The following PEX7 variants were observed in gnomAD, a reference collection of about 807,000 sequenced individuals.
PEX7 encodes the protein PTS2 receptor.
A neutral mutation model predicts 47.5 loss-of-function variants in PEX7; 34 were observed. The ratio of observed to expected loss-of-function variants is 0.72; its 90% CI spans 0.54 to 0.95. The LOEUF is 0.95. Among genes scored for constraint, PEX7 ranks in the 40% least tolerant of loss-of-function variants. The probability of loss-of-function intolerance (pLI) is 0.00; values close to 1 mark genes in which losing one functional copy is unlikely to be tolerated. For missense variants in PEX7, 394 were observed against 400.3 expected, an observed-to-expected ratio of 0.98 and a Z score of 0.13; for synonymous variants, 141 against 148.8, an observed-to-expected ratio of 0.95 and a Z score of 0.38.
chr6:136,880,411 T>A (rs1018226598), intron 8 of PEX7, among the ~76,000 whole-genome samples: 1 of 152,196 alleles, frequency 6.6e-6, no homozygotes, highest in African/African-American at 2.4e-5. Context: ...GGATGCACTT[T>A]CTCTTTCTCA....
chr6:136,893,503 T>A (rs9494592), intron 8 of PEX7, among the ~76,000 whole-genome samples: 2,434 of 152,334 alleles, frequency 0.016, 75 homozygotes, highest in African/African-American at 0.056. Context: ...TTTTGGTGAT[T>A]TTTAAAAACA....
chr6:136,823,342 A>T (rs2115124656), intron 1 of PEX7: 1 of 985,430 alleles, frequency 1.0e-6, no homozygotes, highest in East Asian at 1.1e-4. Flanking sequence ...TTCAGTTCTT[A>T]CCTGTAGTTG....
rs1036181674 is a variant in PEX7, at chr6:136,902,581, T to C, written c.903+4340T>C. 2.4e-4 allele frequency among the ~76,000 whole-genome samples: 36 copies of C among 151,108 alleles called. 1 individual carries two copies. The highest frequency in any genetic ancestry group is 2.2e-3 in the Admixed American group (34 of 15,172). ...CTGAAGGCATCGTTTTCTTTGAAAA[T>C]TTTTTTTTTCTGATCATGATTTGTA... On this transcript the variant is annotated intron_variant, in intron 9 of 9. Coordinates refer to ENST00000318471, the MANE Select transcript of PEX7 (RefSeq NM_000288.4).
chr6:136,890,423 G>A (rs1326818847), intron 8 of PEX7, among the ~76,000 whole-genome samples: 2 of 152,154 alleles, frequency 1.3e-5, no homozygotes, highest in Non-Finnish European at 2.9e-5. Context: ...AGCCGACTTT[G>A]TCATTCCTCC....
intron 9 of PEX7, among the ~76,000 whole-genome samples, chr6:136,912,219 G>C (rs1775944999): frequency 6.6e-6 from 1 of 151,868 alleles, no homozygotes; most frequent in East Asian, 1.9e-4. Context: ...GTCTTTTGAT[G>C]AGCAAAAGTT....
chr6:136,823,292 C>T (rs1252105328), intron 1 of PEX7: 3 of 985,416 alleles, frequency 3.0e-6, no homozygotes, highest in Non-Finnish European at 3.6e-6. Flanking sequence ...CCTGAATGGA[C>T]GCCTGGAGTC....
chr6:136,857,333 T>G (rs1283935344), intron 5 of PEX7, among the ~76,000 whole-genome samples: 1 of 152,240 alleles, frequency 6.6e-6, no homozygotes, highest in Non-Finnish European at 1.5e-5. Flanking sequence ...ATATAAGATA[T>G]GGGAGTAACC....
intron 8 of PEX7, among the ~76,000 whole-genome samples, chr6:136,893,242 A>T (rs1385247811): frequency 6.6e-6 from 1 of 151,782 alleles, no homozygotes; most frequent in Non-Finnish European, 1.5e-5. Flanking sequence ...CAAATGACCT[A>T]CAAGACCTGT....
chr6:136,826,411 TCTGGGA>T lies in PEX7; in HGVS notation c.283_288del (p.Trp95_Asp96del). 2 of 1,613,928 alleles carry T rather than the reference TCTGGGA, an allele frequency of 1.2e-6. No homozygotes were observed. Among genetic ancestry groups the T allele is most frequent in the Non-Finnish European group, 1.7e-6 (2 of 1,180,018 alleles). On this transcript the variant is annotated inframe_deletion, in exon 3 of 10. Transcript: ENST00000318471. ...TGTAGTGGCGATGGCTCGCTGCAGC[TCTGGGA>T]CACTGCCAAAGCTGCAGGGCCACTG...
chr6:136,861,270 A>G (rs1774959274), intron 5 of PEX7, among the ~76,000 whole-genome samples: 2 of 152,168 alleles, frequency 1.3e-5, no homozygotes, highest in Middle Eastern at 3.4e-3. Flanking sequence ...TTTTCTGTAG[A>G]GACAGGATTT....
chr6:136,844,528 C>T (rs529295383), intron 3 of PEX7, among the ~76,000 whole-genome samples: 8 of 152,274 alleles, frequency 5.3e-5, no homozygotes, highest in Admixed American at 2.6e-4. Flanking sequence ...GATCTACTCT[C>T]AGCAAATTTC....
At chr6:136,839,529 TCA>T (rs1221422774) in intron 3 of PEX7, among the ~76,000 whole-genome samples, 1 of 152,192 alleles carries the variant, frequency 6.6e-6, no homozygotes, top group Non-Finnish European at 1.5e-5. Context: ...TTAATTTTCT[TCA>T]CCACTGCCAA....
intron 3 of PEX7, among the ~76,000 whole-genome samples, chr6:136,841,917 A>C (rs896095540): frequency 2.0e-5 from 3 of 149,378 alleles, no homozygotes; most frequent in Admixed American, 6.7e-5. Context: ...AAAAAAAAAA[A>C]CCCACACAGT....
At chr6:136,838,249 A>T (rs1774431694) in intron 3 of PEX7, among the ~76,000 whole-genome samples, 1 of 152,216 alleles carries the variant, frequency 6.6e-6, no homozygotes, top group African/African-American at 2.4e-5. Flanking sequence ...ATTGGAAGCT[A>T]AAAAACATGA....
intron 8 of PEX7, among the ~76,000 whole-genome samples, chr6:136,874,169 C>G (rs557826005): frequency 1.3e-5 from 2 of 152,300 alleles, no homozygotes; most frequent in East Asian, 3.9e-4. Flanking sequence ...AGCTCTGGAA[C>G]AACTTGTACA....
At chr6:136,864,496 A>G (rs1048817552) in intron 5 of PEX7, among the ~76,000 whole-genome samples, 2 of 152,182 alleles carry the variant, frequency 1.3e-5, no homozygotes, top group African/African-American at 4.8e-5. Context: ...ATTGAGCTGG[A>G]TTAGAACCAA....
chr6:136,848,008 T>C (rs1052035356), intron 5 of PEX7, among the ~76,000 whole-genome samples: 2 of 152,218 alleles, frequency 1.3e-5, no homozygotes, highest in Non-Finnish European at 2.9e-5. Context: ...GTTTGTGTCC[T>C]CTTTTATTTC....
At chr6:136,869,428 G>A (rs560618489) in intron 6 of PEX7, among the ~76,000 whole-genome samples, 1 of 151,776 alleles carries the variant, frequency 6.6e-6, no homozygotes, top group African/African-American at 2.4e-5. Context: ...TGGGTAGACA[G>A]GGTCTTGCTT....
In PEX7 at chr6:136,863,805, A is replaced by G. The variant is rs569718238; in HGVS notation, c.527-2822A>G. Among the ~76,000 whole-genome samples the G allele has an allele frequency of 1.3e-3, 191 of 152,244 alleles. 1 individual carries two copies. Among genetic ancestry groups the G allele is most frequent in the African/African-American group, 4.2e-3 (176 of 41,558 alleles). On this transcript the variant is annotated intron_variant, in intron 5 of 9. Coordinates refer to ENST00000318471, the MANE Select transcript of PEX7 (RefSeq NM_000288.4). ...GCGCTTGTAGTCGCAGCTACTTGGG[A>G]GGCTGAGATGGGAGGATTGCTTGAG... is the stretch of plus-strand genomic sequence containing the variant.
Sources: gnomAD v4.1 joint callset for allele counts (sites outside exome capture counted in the v4.1 genomes callset) on GRCh38, gnomAD v4.1.1 for gene constraint, MANE v1.5 for transcripts, NCBI Gene and HGNC (gene_info 2026-07-23, HGNC 2026-07-21) for gene names.